AKT3: variants seen among roughly 807,000 people sequenced by gnomAD.
The protein encoded by AKT3 is AKT serine/threonine kinase 3, also known as RAC-gamma serine/threonine-protein kinase.
In AKT3, 15 loss-of-function variants were observed where a neutral mutation model predicts 65.3. The observed-to-expected ratio is 0.23, with a 90% CI of 0.15 to 0.35. AKT3 has a LOEUF of 0.35. Ranked by LOEUF, AKT3 falls within the 10% of genes least tolerant of loss-of-function variation. The pLI is 1.00. For synonymous variants in AKT3, 206 were observed against 183.8 expected, an observed-to-expected ratio of 1.12 and a Z score of -0.98; for missense variants, 243 against 576.5, an observed-to-expected ratio of 0.42 and a Z score of 5.92.
chr1:243,533,098 T>C (rs1471994659), intron 12 of AKT3, among the ~76,000 whole-genome samples: 1 of 152,250 alleles, frequency 6.6e-6, no homozygotes, highest in African/African-American at 2.4e-5. Context: ...TAACCAACTT[T>C]CGGTTTCGGT....
intron 2 of AKT3, chr1:243,814,454 T>C (rs1693381288): frequency 6.6e-6 from 1 of 152,172 alleles, no homozygotes; most frequent in Non-Finnish European, 1.5e-5. Context: ...CATATAAAAT[T>C]TTGTAGTTCC....
chr1:243,836,385 A>G (rs1385018191), intron 2 of AKT3, among the ~76,000 whole-genome samples: 1 of 152,038 alleles, frequency 6.6e-6, no homozygotes, highest in African/African-American at 2.4e-5. Flanking sequence ...AAAATATATA[A>G]AATTAAAAAG....
chr1:243,558,226 C>G (rs2148477165), intron 10 of AKT3, among the ~76,000 whole-genome samples: 1 of 152,068 alleles, frequency 6.6e-6, no homozygotes, highest in South Asian at 2.1e-4. Flanking sequence ...TAGTCCATGC[C>G]CTGGCACTGC....
intron 2 of AKT3, among the ~76,000 whole-genome samples, chr1:243,788,012 G>A (rs1171307224): frequency 6.6e-6 from 1 of 152,016 alleles, no homozygotes; most frequent in Non-Finnish European, 1.5e-5. Flanking sequence ...GTCGCTTTCT[G>A]GAATTCCCTA....
At chr1:243,678,085 T>C (rs1008532925) in intron 3 of AKT3, among the ~76,000 whole-genome samples, 7 of 151,996 alleles carry the variant, frequency 4.6e-5, no homozygotes, top group East Asian at 3.9e-4. Flanking sequence ...AAGACTCTTG[T>C]CTCAAACAAA....
intron 13 of AKT3, among the ~76,000 whole-genome samples, chr1:243,492,341 A>ACC (rs1244112788): frequency 5.4e-5 from 6 of 110,574 alleles, no homozygotes; most frequent in Middle Eastern, 0.012. Context: ...TTGCTCCGTC[A>ACC]CCCGGACTGG....
At chr1:243,720,429 TAA>T (rs66716743) in intron 2 of AKT3, among the ~76,000 whole-genome samples, 517 of 96,006 alleles carry the variant, frequency 5.4e-3, no homozygotes, top group Admixed American at 0.019. Flanking sequence ...AAAGACATAG[TAA>T]AAAAAAAAAA....
intron 8 of AKT3, among the ~76,000 whole-genome samples, chr1:243,592,556 T>G (rs1676313305): frequency 6.6e-6 from 1 of 152,158 alleles, no homozygotes; most frequent in Non-Finnish European, 1.5e-5. Context: ...CAGTGACATT[T>G]TTATAGTAAT....
intron 2 of AKT3, among the ~76,000 whole-genome samples, chr1:243,833,266 C>CA (rs1363805012): frequency 4.6e-5 from 7 of 151,532 alleles, no homozygotes; most frequent in Admixed American, 4.6e-4. Flanking sequence ...AACAAACAAA[C>CA]AAAAAAAACC....
intron 13 of AKT3, among the ~76,000 whole-genome samples, chr1:243,492,111 T>C (rs577293335): frequency 2.0e-5 from 3 of 152,050 alleles, no homozygotes; most frequent in Admixed American, 6.6e-5. Context: ...TTCATTATTC[T>C]AATTGTTTCT....
chr1:243,801,298 G>A (rs1370883129), intron 2 of AKT3, among the ~76,000 whole-genome samples: 1 of 151,992 alleles, frequency 6.6e-6, no homozygotes, highest in Admixed American at 6.6e-5. Flanking sequence ...TTGTAACAAA[G>A]AATGAAATCC....
rs546005311 is a variant in AKT3, at chr1:243,603,784, C to A, written c.696+9887G>T. ...TATCCACAATTCCCCAAGCAGCAAA[C>A]AGGAAATCATATGATACTTCTCTGC... On this transcript the variant is annotated intron_variant, in intron 8 of 13. Transcript: ENST00000673466. Among the ~76,000 whole-genome samples, 52 of 152,106 alleles carry A rather than the reference C, an allele frequency of 3.4e-4. 1 individual carries two copies. The highest frequency in any genetic ancestry group is 1.2e-3 in the African/African-American group (48 of 41,502).
At chr1:243,832,369 A>G (rs1694596068) in intron 2 of AKT3, among the ~76,000 whole-genome samples, 1 of 152,130 alleles carries the variant, frequency 6.6e-6, no homozygotes, top group African/African-American at 2.4e-5. Context: ...TAATTTAAGA[A>G]TTAAATTGGA....
At chr1:243,677,338 T>C (rs1171207205) in intron 3 of AKT3, among the ~76,000 whole-genome samples, 1 of 152,186 alleles carries the variant, frequency 6.6e-6, no homozygotes, top group Non-Finnish European at 1.5e-5. Flanking sequence ...TATTTGACTG[T>C]TTTGAGTGGA....
chr1:243,577,104 C>T lies in AKT3; in HGVS notation c.697-4056G>A, dbSNP rs567099287. Among the ~76,000 whole-genome samples the T allele has an allele frequency of 2.0e-5, 3 of 152,162 alleles. No individual in the cohort carries two copies. In the East Asian group the frequency reaches 5.8e-4, roughly 29 times the overall value. The stretch of plus-strand genomic sequence containing the variant: ...CTACAACTATTTGATTTTTAACAAA[C>T]CTGACAAAAACAAGCAATAGGGAAG... On this transcript the variant is annotated intron_variant, in intron 8 of 13. Coordinates refer to ENST00000673466, the MANE Select transcript of AKT3 (RefSeq NM_005465.7).
chr1:243,810,147 T>C (rs1399119418), intron 2 of AKT3, among the ~76,000 whole-genome samples: 5 of 152,064 alleles, frequency 3.3e-5, no homozygotes, highest in Non-Finnish European at 7.4e-5. Flanking sequence ...ATTCAAAAGC[T>C]AGCAGAAGGC....
At chr1:243,727,177 G>A (rs753882712) in intron 2 of AKT3, among the ~76,000 whole-genome samples, 25 of 152,154 alleles carry the variant, frequency 1.6e-4, no homozygotes, top group Non-Finnish European at 3.5e-4. Context: ...TCAGGACAAG[G>A]CAGCTCAACA....
intron 9 of AKT3, among the ~76,000 whole-genome samples, chr1:243,572,615 T>G (rs1674645134): frequency 6.6e-6 from 1 of 152,258 alleles, no homozygotes; most frequent in Non-Finnish European, 1.5e-5. Flanking sequence ...AAAACATTTC[T>G]GTAAACATAA....
At chr1:243,841,387 A>T (rs182758408) in intron 2 of AKT3, among the ~76,000 whole-genome samples, 1 of 152,282 alleles carries the variant, frequency 6.6e-6, no homozygotes, top group Non-Finnish European at 1.5e-5. Flanking sequence ...CAGATTTTAG[A>T]GATTAGTAAA....
Sources: allele counts gnomAD v4.1 joint callset (sites outside exome capture counted in the v4.1 genomes callset), GRCh38; gene constraint gnomAD v4.1.1; transcripts MANE v1.5; gene names NCBI Gene and HGNC (gene_info 2026-07-23, HGNC 2026-07-21).